RBFOX1: variants seen among roughly 807,000 people sequenced by gnomAD.
The protein encoded by RBFOX1 is RNA binding fox-1 homolog 1.
In RBFOX1, 8 loss-of-function variants were observed where a neutral mutation model predicts 57.7. The observed-to-expected ratio is 0.14, with a 90% CI of 0.08 to 0.25. The LOEUF (loss-of-function observed/expected upper bound fraction) is 0.25, where lower values mean the gene tolerates loss of function less well. Among genes scored for constraint, RBFOX1 ranks in the 10% least tolerant of loss-of-function variants. The probability of loss-of-function intolerance (pLI) is 1.00; values close to 1 mark genes in which losing one functional copy is unlikely to be tolerated. For synonymous variants in RBFOX1, 326 were observed against 222.4 expected (o/e 1.47, Z -4.15); for missense variants, 611 against 548.5 (o/e 1.11, Z -1.14).
intron 1 of RBFOX1, among the ~76,000 whole-genome samples, chr16:5,295,681 G>A (rs2063649308): frequency 6.6e-6 from 1 of 152,178 alleles, no homozygotes; most frequent in African/African-American, 2.4e-5. Context: ...CAGCAAGACA[G>A]ACAGTCTCCT....
chr16:5,582,521 A>G (rs2046702622), intron 2 of RBFOX1, among the ~76,000 whole-genome samples: 1 of 150,520 alleles, frequency 6.6e-6, no homozygotes, highest in African/African-American at 2.4e-5. Context: ...CTGGGACTTG[A>G]ACCCAGGCAT....
intron 4 of RBFOX1, among the ~76,000 whole-genome samples, chr16:7,346,182 A>G (rs528373199): frequency 6.6e-6 from 1 of 152,114 alleles, no homozygotes; most frequent in Non-Finnish European, 1.5e-5. Flanking sequence ...GATGCATAGT[A>G]TTCCATGGTG....
intron 2 of RBFOX1, chr16:6,483,462 T>C: frequency 6.5e-7 from 1 of 1,535,720 alleles, no homozygotes; most frequent in Non-Finnish European, 8.7e-7. Context: ...GTGCTGTGTT[T>C]TCCCGGTGAG....
chr16:7,003,420 A>G (rs927787297), intron 3 of RBFOX1, among the ~76,000 whole-genome samples: 1 of 151,736 alleles, frequency 6.6e-6, no homozygotes, highest in Non-Finnish European at 1.5e-5. Context: ...AGATTGCGCC[A>G]CTGTACTGCA....
intron 1 of RBFOX1, among the ~76,000 whole-genome samples, chr16:6,289,513 G>T (rs944022742): frequency 1.3e-5 from 2 of 152,138 alleles, no homozygotes; most frequent in African/African-American, 4.8e-5. Context: ...GTCGGCTAAT[G>T]CTATGTTACA....
At chr16:6,413,730 A>T (rs189103377) in intron 2 of RBFOX1, among the ~76,000 whole-genome samples, 1 of 152,292 alleles carries the variant, frequency 6.6e-6, no homozygotes, top group East Asian at 1.9e-4. Context: ...GACCACATGA[A>T]GGTTTATCTT....
At chr16:5,726,333 C>T (rs920821926) in intron 3 of RBFOX1, among the ~76,000 whole-genome samples, 25 of 152,226 alleles carry the variant, frequency 1.6e-4, no homozygotes, top group African/African-American at 5.5e-4. Flanking sequence ...TTTTCATGAA[C>T]CATGCTATGA....
chr16:5,670,738 G>A (rs1161148894), intron 3 of RBFOX1, among the ~76,000 whole-genome samples: 1 of 152,194 alleles, frequency 6.6e-6, no homozygotes, highest in Non-Finnish European at 1.5e-5. Context: ...TCTCTCATAT[G>A]TGCCTGCAGG....
intron 3 of RBFOX1, among the ~76,000 whole-genome samples, chr16:6,859,117 A>G (rs1317173512): frequency 1.5e-5 from 1 of 67,592 alleles, no homozygotes; most frequent in African/African-American, 1.1e-4. Flanking sequence ...AAGTGTATAT[A>G]TATATATATA....
chr16:6,967,700 G>A (rs2084586200), intron 3 of RBFOX1, among the ~76,000 whole-genome samples: 1 of 152,050 alleles, frequency 6.6e-6, no homozygotes, highest in South Asian at 2.1e-4. Context: ...ATTGAACACG[G>A]TAGGTCCTTG....
intron 3 of RBFOX1, among the ~76,000 whole-genome samples, chr16:5,759,142 T>C (rs918880106): frequency 1.3e-5 from 2 of 152,198 alleles, no homozygotes; most frequent in African/African-American, 4.8e-5. Context: ...ATGTTTATTT[T>C]TGGCAGTATC....
At chr16:6,702,847 C>T (rs970521501) in intron 3 of RBFOX1, among the ~76,000 whole-genome samples, 5 of 152,162 alleles carry the variant, frequency 3.3e-5, no homozygotes, top group Admixed American at 2.0e-4. Flanking sequence ...CATTGTTGTG[C>T]GACCATCACC....
chr16:6,266,570 C>A (rs1282736684), intron 1 of RBFOX1, among the ~76,000 whole-genome samples: 1 of 152,010 alleles, frequency 6.6e-6, no homozygotes, highest in East Asian at 1.9e-4. Context: ...AAAAATCAGT[C>A]AGTCATGGTG....
At chr16:7,680,388 G>A (rs2074425630) in intron 14 of RBFOX1, among the ~76,000 whole-genome samples, 1 of 152,162 alleles carries the variant, frequency 6.6e-6, no homozygotes, top group African/African-American at 2.4e-5. Flanking sequence ...ACAGACATTT[G>A]TCATGCTTGT....
chr16:7,501,420 C>G (rs1180602379), intron 4 of RBFOX1, among the ~76,000 whole-genome samples: 1 of 152,178 alleles, frequency 6.6e-6, no homozygotes, highest in African/African-American at 2.4e-5. Flanking sequence ...TTGATTTAAT[C>G]AAATCGTGTT....
At chr16:5,596,698 A>G (rs1441668223) in intron 2 of RBFOX1, among the ~76,000 whole-genome samples, 2 of 152,196 alleles carry the variant, frequency 1.3e-5, no homozygotes, top group African/African-American at 2.4e-5. Context: ...TTCTTGGTCC[A>G]TCTATAAAGT....
intron 2 of RBFOX1, among the ~76,000 whole-genome samples, chr16:6,543,534 G>A (rs1188504128): frequency 6.6e-6 from 1 of 152,104 alleles, no homozygotes; most frequent in East Asian, 1.9e-4. Flanking sequence ...TTTGGGCTTT[G>A]CGCTTTTTAT....
At chr16:6,347,422 G>C (rs189046548) in intron 2 of RBFOX1, among the ~76,000 whole-genome samples, 9 of 152,266 alleles carry the variant, frequency 5.9e-5, no homozygotes, top group Admixed American at 2.6e-4. Flanking sequence ...TAATCTACCC[G>C]TGAAGGTAGA....
chr16:5,708,014 C>A (rs1473143), intron 3 of RBFOX1, among the ~76,000 whole-genome samples: 2 of 151,906 alleles, frequency 1.3e-5, no homozygotes, highest in African/African-American at 2.4e-5. Context: ...AAGGGTTCAC[C>A]ACATGGTTAA....
Sources: allele counts gnomAD v4.1 joint callset (sites outside exome capture counted in the v4.1 genomes callset), GRCh38; gene constraint gnomAD v4.1.1; transcripts MANE v1.5; gene names NCBI Gene and HGNC (gene_info 2026-07-23, HGNC 2026-07-21).